The following PTPRN2 variants were observed in gnomAD, a reference collection of about 807,000 sequenced individuals.
PTPRN2 encodes receptor-type tyrosine-protein phosphatase N2.
PTPRN2 carries 74 observed loss-of-function variants against 118.8 expected under a neutral mutation model. The observed-to-expected ratio is 0.62, with a 90% CI of 0.52 to 0.76. The LOEUF (loss-of-function observed/expected upper bound fraction) is 0.76, where lower values mean the gene tolerates loss of function less well. Among genes scored for constraint, PTPRN2 ranks in the 30% least tolerant of loss-of-function variants. The pLI is 0.00. For missense variants in PTPRN2, 1,481 were observed against 1,394.4 expected (o/e 1.06, Z -0.99); for synonymous variants, 641 against 608.0 (o/e 1.05, Z -0.80).
chr7:158,260,698 C>A (rs113960723), intron 3 of PTPRN2, among the ~76,000 whole-genome samples: 3 of 152,182 alleles, frequency 2.0e-5, no homozygotes, highest in African/African-American at 4.8e-5. Flanking sequence ...ACTAGCGCTC[C>A]GTGGGGCTGA....
intron 12 of PTPRN2, among the ~76,000 whole-genome samples, chr7:157,688,550 T>A (rs144337995): frequency 6.6e-6 from 1 of 152,138 alleles, no homozygotes; most frequent in Non-Finnish European, 1.5e-5. Flanking sequence ...CTGACCCCTA[T>A]TTTTGGCCCG....
chr7:158,429,089 T>TA (rs1815973614), intron 2 of PTPRN2, among the ~76,000 whole-genome samples: 1 of 152,172 alleles, frequency 6.6e-6, no homozygotes, highest in South Asian at 2.1e-4. Flanking sequence ...TAAACCGTAA[T>TA]AGTCTCATCT....
In PTPRN2 at chr7:158,274,516, G is replaced by A. The variant is rs999545325; in HGVS notation, c.277+42303C>T. 1.1e-4 allele frequency among the ~76,000 whole-genome samples: 13 copies of A among 118,820 alleles called. No individual in the cohort carries two copies. The South Asian group carries it at 1.6e-3, about 14-fold the overall frequency. 78.0% of individuals were successfully genotyped at this position (118,820 alleles called of 152,430 possible). On this transcript the variant is annotated intron_variant, in intron 3 of 22. Transcript: ENST00000389418. ...CAGGCACAGGGGGAGCCACAGGCAC[G>A]GGGGAGCCGCAGGCACAGGGGGAGC...
At chr7:157,626,933 C>T (rs777481201) in intron 14 of PTPRN2, among the ~76,000 whole-genome samples, 5 of 152,228 alleles carry the variant, frequency 3.3e-5, no homozygotes, top group Admixed American at 6.5e-5. Context: ...CAGCAAACAT[C>T]ACTGTAACTC....
intron 2 of PTPRN2, among the ~76,000 whole-genome samples, chr7:158,357,543 T>C (rs1586441813): frequency 1.3e-5 from 2 of 152,334 alleles, no homozygotes; most frequent in South Asian, 4.1e-4. Context: ...AACCTGCATT[T>C]GCTGCGCAGC....
intron 13 of PTPRN2, among the ~76,000 whole-genome samples, chr7:157,673,699 C>T (rs535533043): frequency 9.9e-5 from 15 of 152,038 alleles, no homozygotes; most frequent in Non-Finnish European, 2.1e-4. Flanking sequence ...CCATGCTCCT[C>T]TCCCGCCCCA....
chr7:158,050,735 C>A, intron 11 of PTPRN2, among the ~76,000 whole-genome samples: 1 of 152,332 alleles, frequency 6.6e-6, no homozygotes, highest in Admixed American at 6.5e-5. Context: ...CATTCTGTCC[C>A]CCACACGACT....
intron 2 of PTPRN2, among the ~76,000 whole-genome samples, chr7:158,393,069 T>C (rs1436853172): frequency 6.7e-6 from 1 of 149,492 alleles, no homozygotes; most frequent in Non-Finnish European, 1.5e-5. Context: ...GGAAGGGGAG[T>C]CCTTTCCAGG....
At chr7:158,306,122 T>C (rs927057311) in intron 3 of PTPRN2, among the ~76,000 whole-genome samples, 1 of 152,210 alleles carries the variant, frequency 6.6e-6, no homozygotes, top group African/African-American at 2.4e-5. Context: ...AGTCTTTCCC[T>C]GGGGGCATTT....
chr7:157,790,026 GTGTGGT>G (rs773457125), intron 12 of PTPRN2, among the ~76,000 whole-genome samples: 1 of 135,994 alleles, frequency 7.4e-6, no homozygotes, highest in Non-Finnish European at 1.6e-5. Flanking sequence ...GTGAATGTGT[GTGTGGT>G]GGGGGTGTGT....
In PTPRN2 at chr7:157,598,653, T is replaced by A. The variant is rs1585086785; in HGVS notation, c.2419-3338A>T. Among the ~76,000 whole-genome samples the A allele has an allele frequency of 4.6e-5, 7 of 152,362 alleles. No homozygotes were observed. The East Asian group carries it at 1.4e-3, about 29-fold the overall frequency. On this transcript the variant is annotated intron_variant, in intron 16 of 22. Coordinates refer to ENST00000389418, the MANE Select transcript of PTPRN2 (RefSeq NM_002847.5). The surrounding 1 kb of genome is among the most constrained non-coding windows in gnomAD (Gnocchi z 5.2). ...GTGTATGTGTGTGTCCTGGTGTTGG[T>A]CATCCCGAAACTGTCCGTGAAAACC...
chr7:158,244,987 G>C (rs1007709868), intron 3 of PTPRN2, among the ~76,000 whole-genome samples: 6 of 152,224 alleles, frequency 3.9e-5, no homozygotes, highest in Non-Finnish European at 8.8e-5. Flanking sequence ...CGAAGCCCCT[G>C]CTCCCTGGCT....
At chr7:157,725,010 T>G (rs1437540611) in intron 12 of PTPRN2, among the ~76,000 whole-genome samples, 1 of 152,266 alleles carries the variant, frequency 6.6e-6, no homozygotes. Flanking sequence ...TGTACTGATC[T>G]GAAATAAAAT....
chr7:157,626,685 A>C (rs1163831018), intron 14 of PTPRN2, among the ~76,000 whole-genome samples: 1 of 152,238 alleles, frequency 6.6e-6, no homozygotes, highest in Non-Finnish European at 1.5e-5. Context: ...ACTGTGTTTC[A>C]GCTGCTCAGC....
At chr7:158,109,278 G>A (rs1390573226) in intron 10 of PTPRN2, among the ~76,000 whole-genome samples, 1 of 149,018 alleles carries the variant, frequency 6.7e-6, no homozygotes, top group East Asian at 2.1e-4. Context: ...CCTGAGTGAA[G>A]GAGACAGTGA....
At chr7:158,253,252 G>A (rs1379830109) in intron 3 of PTPRN2, among the ~76,000 whole-genome samples, 1 of 152,204 alleles carries the variant, frequency 6.6e-6, no homozygotes, top group Non-Finnish European at 1.5e-5. Context: ...GAAGCTGCCT[G>A]AGGACTGGAG....
At chr7:157,725,120 G>T (rs1262856052) in intron 12 of PTPRN2, among the ~76,000 whole-genome samples, 1 of 147,982 alleles carries the variant, frequency 6.8e-6, no homozygotes, top group Non-Finnish European at 1.5e-5. Flanking sequence ...CTCAACAGGT[G>T]GTTCTGGGAG....
At chr7:157,890,535 G>A (rs995737297) in intron 12 of PTPRN2, among the ~76,000 whole-genome samples, 12 of 152,160 alleles carry the variant, frequency 7.9e-5, no homozygotes, top group African/African-American at 2.7e-4. Flanking sequence ...CCAGCTACTC[G>A]GGAGGCTGAG....
At chr7:157,840,928 G>A (rs889081478) in intron 12 of PTPRN2, among the ~76,000 whole-genome samples, 11 of 152,218 alleles carry the variant, frequency 7.2e-5, no homozygotes, top group Admixed American at 5.9e-4. Flanking sequence ...ACCGGCGGGG[G>A]CTGGAGCCAC....
Sources: allele counts gnomAD v4.1 joint callset (sites outside exome capture counted in the v4.1 genomes callset), GRCh38; gene constraint gnomAD v4.1.1; non-coding constraint Gnocchi (gnomAD v3.1); transcripts MANE v1.5; gene names NCBI Gene and HGNC (gene_info 2026-07-23, HGNC 2026-07-21).